The following CUEDC1 variants were observed in gnomAD, a reference collection of about 807,000 sequenced individuals.
CUEDC1 encodes CUE domain-containing protein 1.
CUEDC1 carries 30 observed loss-of-function variants against 43.7 expected under a neutral mutation model. The observed-to-expected ratio is 0.69, with a 90% CI of 0.51 to 0.93. The LOEUF is 0.93. Among genes scored for constraint, CUEDC1 ranks in the 40% least tolerant of loss-of-function variants. The pLI, the probability that CUEDC1 is intolerant of heterozygous loss-of-function variation, is 0.00. For synonymous variants in CUEDC1, 223 were observed against 223.6 expected, an observed-to-expected ratio of 1.00 and a Z score of 0.02; for missense variants, 486 against 549.0, an observed-to-expected ratio of 0.89 and a Z score of 1.15.
At chr17:57,923,728 GC>G (rs1174106902) in intron 1 of CUEDC1, among the ~76,000 whole-genome samples, 1 of 152,178 alleles carries the variant, frequency 6.6e-6, no homozygotes, top group Non-Finnish European at 1.5e-5. Flanking sequence ...TGGGTGGCAG[GC>G]CCTTCTGGCT....
At chr17:57,912,166 G>C (rs1274745348) in intron 1 of CUEDC1, among the ~76,000 whole-genome samples, 3 of 152,044 alleles carry the variant, frequency 2.0e-5, no homozygotes, top group Non-Finnish European at 4.4e-5. Flanking sequence ...ACACAACCTT[G>C]GCCCCAGTTG....
intron 5 of CUEDC1, among the ~76,000 whole-genome samples, chr17:57,871,896 C>T (rs941980509): frequency 3.9e-5 from 6 of 152,234 alleles, no homozygotes; most frequent in African/African-American, 1.2e-4. Context: ...TGCACTTCAG[C>T]CTGGGTGACA....
chr17:57,895,677 G>A (rs2074401089), intron 1 of CUEDC1, among the ~76,000 whole-genome samples: 1 of 152,168 alleles, frequency 6.6e-6, no homozygotes, highest in South Asian at 2.1e-4. Context: ...AACCTCAGCG[G>A]ATTAAGGGGG....
chr17:57,934,475 T>G (rs2074840207), intron 1 of CUEDC1, among the ~76,000 whole-genome samples: 1 of 149,382 alleles, frequency 6.7e-6, no homozygotes, highest in Non-Finnish European at 1.5e-5. Context: ...GGGTATAGCT[T>G]GAGCCCACAA....
At chr17:57,936,829 T>C (rs1189281194) in intron 1 of CUEDC1, among the ~76,000 whole-genome samples, 1 of 151,414 alleles carries the variant, frequency 6.6e-6, no homozygotes, top group Admixed American at 6.6e-5. Flanking sequence ...ATTCACACTT[T>C]TTTTTTTTTT....
At chr17:57,927,258 C>G (rs918030507) in intron 1 of CUEDC1, among the ~76,000 whole-genome samples, 7 of 152,070 alleles carry the variant, frequency 4.6e-5, no homozygotes, top group African/African-American at 1.7e-4. Context: ...AGGTGAAGCC[C>G]TCATTCCAGG....
intron 1 of CUEDC1, among the ~76,000 whole-genome samples, chr17:57,907,217 T>C (rs1447217422): frequency 6.6e-6 from 1 of 152,128 alleles, no homozygotes; most frequent in Non-Finnish European, 1.5e-5. Context: ...GCAGGGATAC[T>C]TTGTGGACAT....
chr17:57,939,865 G>A (rs1001031220), intron 1 of CUEDC1, among the ~76,000 whole-genome samples: 2 of 152,168 alleles, frequency 1.3e-5, no homozygotes, highest in Non-Finnish European at 2.9e-5. Context: ...CACATCCACA[G>A]CAGCAGCGGC....
chr17:57,924,033 G>C (rs2074721939), intron 1 of CUEDC1, among the ~76,000 whole-genome samples: 1 of 151,902 alleles, frequency 6.6e-6, no homozygotes, highest in Non-Finnish European at 1.5e-5. Context: ...GGGCTCCTGG[G>C]CTCAATCAAT....
chr17:57,894,281 G>C (rs1053697330), intron 1 of CUEDC1, among the ~76,000 whole-genome samples: 1 of 152,216 alleles, frequency 6.6e-6, no homozygotes, highest in Admixed American at 6.5e-5. Flanking sequence ...GAGCTGTGCA[G>C]GCTGGGCATG....
In CUEDC1 at chr17:57,863,269, G is replaced by A. The variant is rs1160095427; in HGVS notation, c.*20C>T. ...CACCGGGTCAGATCATCTCTGGCAAGGAAGAGCTGCTGGCATCTGGTAGGG... is the reference window on the plus strand; with the variant it reads ...CACCGGGTCAGATCATCTCTGGCAAAGAAGAGCTGCTGGCATCTGGTAGGG... On this transcript the variant is annotated 3_prime_UTR_variant, in exon 11 of 11. Transcript: ENST00000577830. 6.5e-6 allele frequency: 1 copy of A among 152,684 alleles called. No individual in the cohort carries two copies. The highest frequency in any genetic ancestry group is 2.4e-5 in the African/African-American group (1 of 41,442). 9.5% of individuals were successfully genotyped at this position (152,684 alleles called of 1,614,324 possible).
chr17:57,875,478 A>G (rs1267666180), intron 3 of CUEDC1, among the ~76,000 whole-genome samples: 1 of 152,118 alleles, frequency 6.6e-6, no homozygotes, highest in African/African-American at 2.4e-5. Flanking sequence ...TGGCACTGGT[A>G]GAGATGAGGT....
chr17:57,882,767 T>C (rs933875036), intron 2 of CUEDC1, among the ~76,000 whole-genome samples: 1 of 152,202 alleles, frequency 6.6e-6, no homozygotes, highest in Non-Finnish European at 1.5e-5. Context: ...ATATATTTTG[T>C]CTTGCTTATG....
chr17:57,886,712 C>T (rs569561929), intron 1 of CUEDC1, among the ~76,000 whole-genome samples: 1 of 152,006 alleles, frequency 6.6e-6, no homozygotes, highest in Non-Finnish European at 1.5e-5. Flanking sequence ...ATCACAGACA[C>T]GTTTGTTCTT....
intron 1 of CUEDC1, among the ~76,000 whole-genome samples, chr17:57,941,195 C>T (rs889327748): frequency 7.2e-5 from 11 of 152,194 alleles, no homozygotes; most frequent in Non-Finnish European, 7.3e-5. Flanking sequence ...CCTCTGCAGC[C>T]GAAATGTCTC....
intron 1 of CUEDC1, among the ~76,000 whole-genome samples, chr17:57,934,714 G>A (rs1015558060): frequency 2.6e-5 from 4 of 151,914 alleles, no homozygotes; most frequent in Admixed American, 6.6e-5. Flanking sequence ...CATCCTTCCC[G>A]ATTGTTTTTT....
chr17:57,950,840 A>C (rs1425570811), intron 1 of CUEDC1, among the ~76,000 whole-genome samples: 2 of 151,724 alleles, frequency 1.3e-5, no homozygotes, highest in Non-Finnish European at 2.9e-5. Context: ...CCTCCAGGGA[A>C]CTCTGCCCTG....
intron 9 of CUEDC1, 193 bp downstream of exon 9, chr17:57,867,164 T>G: frequency 1.6e-6 from 1 of 623,720 alleles, no homozygotes; most frequent in Admixed American, 2.5e-5. Context: ...GGGCCCCTTT[T>G]CAGGGGTTGC....
intron 1 of CUEDC1, among the ~76,000 whole-genome samples, chr17:57,897,145 A>G (rs2074419562): frequency 2.0e-5 from 3 of 152,290 alleles, no homozygotes; most frequent in South Asian, 4.1e-4. Context: ...AACGTCTATG[A>G]GCACTTGGTA....
Sources: gnomAD v4.1 joint callset for allele counts (sites outside exome capture counted in the v4.1 genomes callset) on GRCh38, gnomAD v4.1.1 for gene constraint, MANE v1.5 for transcripts, NCBI Gene and HGNC (gene_info 2026-07-23, HGNC 2026-07-21) for gene names.